PDE4D: variants seen among roughly 807,000 people sequenced by gnomAD.
PDE4D encodes the protein 3',5'-cyclic-AMP phosphodiesterase 4D.
A neutral mutation model predicts 87.4 loss-of-function variants in PDE4D; 24 were observed. That is an observed-to-expected ratio of 0.27 (90% CI 0.20 to 0.39). The LOEUF is 0.39. Among genes scored for constraint, PDE4D ranks in the 10% least tolerant of loss-of-function variants. The probability of loss-of-function intolerance (pLI) is 1.00; values close to 1 mark genes in which losing one functional copy is unlikely to be tolerated. For synonymous variants in PDE4D, 384 were observed against 383.2 expected (o/e 1.00, Z -0.02); for missense variants, 714 against 1,041.0 (o/e 0.69, Z 4.32).
chr5:60,500,402 A>G (rs954645640), intron 1 of PDE4D, among the ~76,000 whole-genome samples: 2 of 152,246 alleles, frequency 1.3e-5, no homozygotes, highest in Non-Finnish European at 1.5e-5. Flanking sequence ...AGATTTATTT[A>G]TAATGCATCT....
chr5:59,503,298 C>A (rs1194419056), intron 1 of PDE4D, among the ~76,000 whole-genome samples: 2 of 152,110 alleles, frequency 1.3e-5, no homozygotes, highest in Non-Finnish European at 2.9e-5. Context: ...CTTATGCTTT[C>A]AAGTAAAAGG....
At chr5:59,063,332 T>C (rs2153412858) in intron 5 of PDE4D, 1 of 152,334 alleles carries the variant, frequency 6.6e-6, no homozygotes, top group East Asian at 1.9e-4. Context: ...GAGATGAAAG[T>C]TTCACTGCCT....
intron 2 of PDE4D, among the ~76,000 whole-genome samples, chr5:60,079,327 T>G (rs769379461): frequency 6.6e-6 from 1 of 151,766 alleles, no homozygotes; most frequent in Non-Finnish European, 1.5e-5. Context: ...TCCCATTCTG[T>G]AGGTTCACTC....
At chr5:59,939,372 G>C (rs145208853) in intron 3 of PDE4D, among the ~76,000 whole-genome samples, 501 of 152,222 alleles carry the variant, frequency 3.3e-3, no homozygotes, top group Middle Eastern at 0.01. Flanking sequence ...CACCTACTGT[G>C]GGTCAGTGAA....
chr5:59,084,819 G>A (rs1767379254), intron 5 of PDE4D, among the ~76,000 whole-genome samples: 1 of 152,010 alleles, frequency 6.6e-6, no homozygotes, highest in Non-Finnish European at 1.5e-5. Flanking sequence ...ATTGCCATTA[G>A]ACACACAAAA....
rs76615409 is a variant in PDE4D, at chr5:59,350,097, C to G, written c.456-134129G>C. On this transcript the variant is annotated intron_variant, in intron 1 of 14. Transcript: ENST00000340635. ...CTTCCTTACAAAAACCCTATTGTAG[C>G]TGTTGTAGCAAGTGATTTTTAGACT... Among the ~76,000 whole-genome samples, 760 of 152,226 alleles carry G rather than the reference C, an allele frequency of 5.0e-3. 6 individuals are homozygous for G. Among genetic ancestry groups the G allele is most frequent in the African/African-American group, 0.018 (736 of 41,542 alleles).
At chr5:60,363,348 C>G (rs1281036497) in intron 1 of PDE4D, among the ~76,000 whole-genome samples, 1 of 152,140 alleles carries the variant, frequency 6.6e-6, no homozygotes, top group African/African-American at 2.4e-5. Flanking sequence ...TTACTATTTC[C>G]TCACTACCCT....
chr5:59,644,437 G>C (rs2150207932), intron 1 of PDE4D, among the ~76,000 whole-genome samples: 1 of 152,246 alleles, frequency 6.6e-6, no homozygotes, highest in African/African-American at 2.4e-5. Context: ...TCTTTGGCCA[G>C]AACAACAGGA....
intron 1 of PDE4D, among the ~76,000 whole-genome samples, chr5:60,196,091 T>C (rs1268694445): frequency 6.6e-6 from 1 of 151,646 alleles, no homozygotes; most frequent in African/African-American, 2.4e-5. Context: ...CAGCACAAAT[T>C]TATTACAAAA....
intron 3 of PDE4D, among the ~76,000 whole-genome samples, chr5:59,938,479 A>G (rs1251010583): frequency 6.6e-6 from 1 of 152,224 alleles, no homozygotes; most frequent in Non-Finnish European, 1.5e-5. Flanking sequence ...TCCAGCCAAG[A>G]TGACCTATAT....
chr5:59,068,275 G>A (rs1204723518), intron 5 of PDE4D, among the ~76,000 whole-genome samples: 1 of 152,162 alleles, frequency 6.6e-6, no homozygotes, highest in Non-Finnish European at 1.5e-5. Flanking sequence ...TGTATTTCAC[G>A]TGAACTTGTG....
At position 59,194,895 on chromosome 5, in the gene PDE4D, G is replaced by C. The variant is rs116011770; in HGVS notation, c.648-1359C>G. The stretch of plus-strand genomic sequence containing the variant: ...ATTGCCATTGCAACAGTATTAAGAG[G>C]TGGGGGCCTGTGAGAAGTAATTAGG... On this transcript the variant is annotated intron_variant, in intron 2 of 14. Transcript: ENST00000340635. Among the ~76,000 whole-genome samples the C allele has an allele frequency of 5.5e-3, 845 of 152,314 alleles. 3 individuals are homozygous for C. Among genetic ancestry groups the C allele is most frequent in the Admixed American group, 7.9e-3 (121 of 15,304 alleles).
intron 1 of PDE4D, among the ~76,000 whole-genome samples, chr5:60,195,763 C>G (rs2409740): frequency 2.6e-5 from 4 of 151,590 alleles, no homozygotes; most frequent in Admixed American, 2.0e-4. Flanking sequence ...GTGGGACCCC[C>G]GAGGAGGCAG....
intron 2 of PDE4D, among the ~76,000 whole-genome samples, chr5:59,206,056 C>T (rs1561707082): frequency 1.3e-5 from 2 of 152,088 alleles, no homozygotes; most frequent in Admixed American, 1.3e-4. Context: ...ATACAACTTT[C>T]CAGTATTCAA....
At chr5:60,202,170 T>G (rs780462911) in intron 1 of PDE4D, among the ~76,000 whole-genome samples, 3 of 152,168 alleles carry the variant, frequency 2.0e-5, no homozygotes, top group Admixed American at 6.5e-5. Context: ...TTCATTAATT[T>G]TATTTATCTA....
chr5:59,956,385 T>C (rs1758832786), intron 3 of PDE4D, among the ~76,000 whole-genome samples: 1 of 152,308 alleles, frequency 6.6e-6, no homozygotes, highest in East Asian at 1.9e-4. Flanking sequence ...GGGTTTGCAC[T>C]GTAACTGCAA....
Position 58,989,803 on chromosome 5 carries a change from T to C in PDE4D, c.1404A>G (p.Ala468=). ...GCACATGAGTAGACTGGACAACATC[T>C]GCAGCATGGATATTGTTGTGATAGG... ...DVAYHNNIHA[A]DVVQSTHVLL... is the part of the protein sequence containing the mutation. The change falls in exon 10 of 15, where the codon GCA becomes GCG. Residue 468 remains alanine, a synonymous_variant. Coordinates refer to ENST00000340635, the MANE Select transcript of PDE4D (RefSeq NM_001104631.2). The C allele has an allele frequency of 1.9e-6, 3 of 1,611,682 alleles. No individual in the cohort carries two copies. Among genetic ancestry groups the C allele is most frequent in the Non-Finnish European group, 2.5e-6 (3 of 1,178,038 alleles).
chr5:59,094,909 G>A (rs1245554489), intron 5 of PDE4D, among the ~76,000 whole-genome samples: 1 of 151,984 alleles, frequency 6.6e-6, no homozygotes, highest in East Asian at 1.9e-4. Flanking sequence ...AGACTCTGGA[G>A]CTCCTGAGAC....
At chr5:60,124,709 C>A (rs1778980658) in intron 2 of PDE4D, among the ~76,000 whole-genome samples, 1 of 152,110 alleles carries the variant, frequency 6.6e-6, no homozygotes, top group African/African-American at 2.4e-5. Flanking sequence ...TGCCTAAATT[C>A]TTTAAAGTAA....
Sources: gnomAD v4.1 joint callset for allele counts (sites outside exome capture counted in the v4.1 genomes callset) on GRCh38, gnomAD v4.1.1 for gene constraint, MANE v1.5 for transcripts, NCBI Gene and HGNC (gene_info 2026-07-23, HGNC 2026-07-21) for gene names.